PITPNC1: variants seen among roughly 807,000 people sequenced by gnomAD.
PITPNC1 encodes the protein cytoplasmic phosphatidylinositol transfer protein 1.
A neutral mutation model predicts 44.7 loss-of-function variants in PITPNC1; 18 were observed. The observed-to-expected ratio is 0.40, with a 90% CI of 0.28 to 0.60. PITPNC1 has a LOEUF of 0.60. Among genes scored for constraint, PITPNC1 ranks in the 20% least tolerant of loss-of-function variants. The probability of loss-of-function intolerance (pLI) is 0.39; values close to 1 mark genes in which losing one functional copy is unlikely to be tolerated. For missense variants in PITPNC1, 290 were observed against 418.4 expected, an observed-to-expected ratio of 0.69 and a Z score of 2.68; for synonymous variants, 141 against 149.6, an observed-to-expected ratio of 0.94 and a Z score of 0.42.
chr17:67,687,087 G>A (rs756948176), intron 8 of PITPNC1: 9 of 1,608,442 alleles, frequency 5.6e-6, no homozygotes, highest in South Asian at 2.2e-5. Context: ...GATGATGTTC[G>A]GGAATACGAG....
intron 1 of PITPNC1, among the ~76,000 whole-genome samples, chr17:67,431,076 T>G (rs2038849688): frequency 6.6e-6 from 1 of 150,786 alleles, no homozygotes. Context: ...TTTTTTTTTT[T>G]GCGATGGAAT....
intron 7 of PITPNC1, among the ~76,000 whole-genome samples, chr17:67,673,046 G>A (rs1486871838): frequency 6.6e-6 from 1 of 152,134 alleles, no homozygotes; most frequent in Admixed American, 6.6e-5. Flanking sequence ...CCATGAATTT[G>A]AGACACTCAG....
intron 1 of PITPNC1, among the ~76,000 whole-genome samples, chr17:67,418,440 C>T (rs973018811): frequency 2.0e-5 from 3 of 152,122 alleles, no homozygotes; most frequent in Admixed American, 6.6e-5. Context: ...ACAAGGGAAT[C>T]GCAGTTTTCA....
At position 67,389,501 on chromosome 17, in the gene PITPNC1, C is replaced by T. The variant is rs1276109329; in HGVS notation, c.48+11299C>T. 2.0e-5 allele frequency among the ~76,000 whole-genome samples: 3 copies of T among 152,252 alleles called. No homozygotes were observed. The East Asian group carries it at 5.8e-4, about 29-fold the overall frequency. ...CGGGTGCTAGGCCTGCAGCGGCTGACAGGGCAGGTAGATCCCTGCCCTCCT... is the reference window on the plus strand; with the variant it reads ...CGGGTGCTAGGCCTGCAGCGGCTGATAGGGCAGGTAGATCCCTGCCCTCCT... On this transcript the variant is annotated intron_variant, in intron 1 of 8. Coordinates refer to ENST00000581322, the MANE Select transcript of PITPNC1 (RefSeq NM_012417.4).
chr17:67,555,780 G>T (rs147754974), intron 4 of PITPNC1, among the ~76,000 whole-genome samples: 3,645 of 152,090 alleles, frequency 0.024, 122 homozygotes, highest in African/African-American at 0.082. Flanking sequence ...GGAGGCAGAG[G>T]TTGCAGTGAG....
At chr17:67,579,323 A>G (rs1044934860) in intron 5 of PITPNC1, among the ~76,000 whole-genome samples, 1 of 152,230 alleles carries the variant, frequency 6.6e-6, no homozygotes, top group African/African-American at 2.4e-5. Flanking sequence ...GGGTTCCCTC[A>G]GGACCCGTTG....
chr17:67,425,255 ACACACACAGAGG>A, intron 1 of PITPNC1, among the ~76,000 whole-genome samples: 2 of 137,584 alleles, frequency 1.5e-5, no homozygotes, highest in Non-Finnish European at 3.2e-5. Flanking sequence ...ACACACACAC[ACACACACAGAGG>A]GAGAGAGAGA....
At chr17:67,501,050 A>G (rs1386228672) in intron 1 of PITPNC1, among the ~76,000 whole-genome samples, 1 of 152,098 alleles carries the variant, frequency 6.6e-6, no homozygotes, top group Non-Finnish European at 1.5e-5. Flanking sequence ...TAATATCTTT[A>G]GCTTATTTCT....
intron 1 of PITPNC1, among the ~76,000 whole-genome samples, chr17:67,484,703 C>T (rs1031417804): frequency 7.9e-5 from 12 of 152,118 alleles, no homozygotes; most frequent in African/African-American, 2.6e-4. Context: ...TTTGGGAGGC[C>T]GAGGTGGGCG....
intron 1 of PITPNC1, among the ~76,000 whole-genome samples, chr17:67,448,523 G>C (rs1382046438): frequency 1.3e-5 from 2 of 152,062 alleles, no homozygotes; most frequent in African/African-American, 4.8e-5. Context: ...CCTGCCGTTG[G>C]GGGTGCTTCA....
At chr17:67,438,206 A>C (rs1450235250) in intron 1 of PITPNC1, among the ~76,000 whole-genome samples, 2 of 151,898 alleles carry the variant, frequency 1.3e-5, no homozygotes, top group African/African-American at 4.8e-5. Context: ...CAGCACATAG[A>C]CCTCTAGTCA....
At chr17:67,444,852 G>T (rs1480734874) in intron 1 of PITPNC1, among the ~76,000 whole-genome samples, 2 of 151,898 alleles carry the variant, frequency 1.3e-5, no homozygotes, top group Admixed American at 1.3e-4. Context: ...AGCCAAGATC[G>T]CACCACTGCA....
intron 5 of PITPNC1, among the ~76,000 whole-genome samples, chr17:67,582,088 G>T (rs1322728136): frequency 6.6e-6 from 1 of 152,108 alleles, no homozygotes; most frequent in Non-Finnish European, 1.5e-5. Flanking sequence ...ATTCATACTT[G>T]TTAATACTTC....
Position 67,676,586 on chromosome 17 carries a change from C to T in PITPNC1, c.682+1044C>T, listed in dbSNP as rs548374439. On this transcript the variant is annotated intron_variant, in intron 8 of 8. Transcript: ENST00000581322. This position sits in a 1 kb window ranked among gnomAD's most constrained non-coding sequence, Gnocchi z 4.0. Reference sequence around the variant, plus strand: ...TTCAGGTCGATTGTCTAATGAAATGCCCTTCTCCTTGGCCTTTTCCAAAGT... The same window carrying T: ...TTCAGGTCGATTGTCTAATGAAATGTCCTTCTCCTTGGCCTTTTCCAAAGT... Among the ~76,000 whole-genome samples, 4 of 152,224 alleles carry T rather than the reference C, an allele frequency of 2.6e-5. No individual in the cohort carries two copies. In the East Asian group the frequency reaches 7.8e-4, roughly 30 times the overall value.
intron 1 of PITPNC1, among the ~76,000 whole-genome samples, chr17:67,381,613 C>G (rs1257936714): frequency 6.6e-6 from 1 of 151,924 alleles, no homozygotes; most frequent in African/African-American, 2.4e-5. Flanking sequence ...ACTACAGGCG[C>G]CAGCCACCGC....
intron 1 of PITPNC1, among the ~76,000 whole-genome samples, chr17:67,416,937 C>T (rs1235808169): frequency 2.0e-5 from 3 of 151,372 alleles, no homozygotes; most frequent in African/African-American, 7.3e-5. Flanking sequence ...CTCAGCCTCC[C>T]GAGTAGCTGG....
At chr17:67,566,071 C>T (rs2040977009) in intron 4 of PITPNC1, among the ~76,000 whole-genome samples, 1 of 152,010 alleles carries the variant, frequency 6.6e-6, no homozygotes, top group Non-Finnish European at 1.5e-5. Flanking sequence ...ACTTAACCAG[C>T]CTTCTACTGG....
intron 1 of PITPNC1, among the ~76,000 whole-genome samples, chr17:67,405,664 G>A (rs2038386667): frequency 6.7e-6 from 1 of 149,206 alleles, no homozygotes; most frequent in Non-Finnish European, 1.5e-5. Flanking sequence ...GGAGTGTAGT[G>A]TCGTGATCTC....
intron 1 of PITPNC1, among the ~76,000 whole-genome samples, chr17:67,506,659 G>A (rs2040106555): frequency 2.0e-5 from 3 of 152,100 alleles, no homozygotes; most frequent in Non-Finnish European, 4.4e-5. Flanking sequence ...TATACGCGAT[G>A]TACTGCGGGT....
Sources: gnomAD v4.1 joint callset for allele counts (sites outside exome capture counted in the v4.1 genomes callset) on GRCh38, gnomAD v4.1.1 for gene constraint, Gnocchi (gnomAD v3.1) non-coding constraint, MANE v1.5 for transcripts, NCBI Gene and HGNC (gene_info 2026-07-23, HGNC 2026-07-21) for gene names.